The following TIAM1 variants were observed in gnomAD, a reference collection of about 807,000 sequenced individuals.
TIAM1 encodes the protein rho guanine nucleotide exchange factor TIAM1.
A neutral mutation model predicts 163.5 loss-of-function variants in TIAM1; 65 were observed. The observed-to-expected ratio is 0.40, with a 90% confidence interval of 0.33 to 0.49. TIAM1 has a LOEUF of 0.49. Ranked by LOEUF, TIAM1 falls within the 20% of genes least tolerant of loss-of-function variation. The pLI, the probability that TIAM1 is intolerant of heterozygous loss-of-function variation, is 0.77. For synonymous variants in TIAM1, 833 were observed against 810.1 expected, an observed-to-expected ratio of 1.03 and a Z score of -0.48; for missense variants, 1,789 against 2,044.7, an observed-to-expected ratio of 0.87 and a Z score of 2.41.
intron 5 of TIAM1, among the ~76,000 whole-genome samples, chr21:31,251,095 T>C (rs2071778056): frequency 6.6e-6 from 1 of 152,232 alleles, no homozygotes; most frequent in Admixed American, 6.5e-5. Flanking sequence ...GAATTCAAGC[T>C]AATAAATTTC....
intron 2 of TIAM1, chr21:31,452,681 T>C (rs569457656): frequency 4.6e-6 from 2 of 435,878 alleles, no homozygotes; most frequent in Admixed American, 3.4e-5. Flanking sequence ...CTCCAGAATA[T>C]ATTTTTCCAT....
intron 16 of TIAM1, among the ~76,000 whole-genome samples, chr21:31,157,488 A>G (rs1026083253): frequency 1.3e-5 from 2 of 152,164 alleles, no homozygotes; most frequent in South Asian, 2.1e-4. Context: ...AATGATTTGT[A>G]TTCACTTATT....
intron 19 of TIAM1, among the ~76,000 whole-genome samples, chr21:31,147,787 A>ATAT (rs2083202261): frequency 1.4e-5 from 2 of 139,852 alleles, no homozygotes; most frequent in African/African-American, 2.6e-5. Context: ...ATTATATTAA[A>ATAT]ATATATATAT....
intron 2 of TIAM1, among the ~76,000 whole-genome samples, chr21:31,393,720 G>A (rs1033591153): frequency 3.9e-5 from 6 of 152,164 alleles, no homozygotes; most frequent in African/African-American, 1.4e-4. Context: ...TGAATGTGGA[G>A]TATCATAAAA....
intron 1 of TIAM1, among the ~76,000 whole-genome samples, chr21:31,502,083 G>A (rs190283746): frequency 6.6e-6 from 1 of 152,180 alleles, no homozygotes; most frequent in African/African-American, 2.4e-5. Context: ...GAGAGCTGGG[G>A]GAAAGTTCCA....
intron 2 of TIAM1, among the ~76,000 whole-genome samples, chr21:31,324,827 C>T (rs903721893): frequency 4.6e-5 from 7 of 152,156 alleles, no homozygotes; most frequent in Non-Finnish European, 8.8e-5. Flanking sequence ...TTAAGTATTT[C>T]AAAAATGTTT....
At chr21:31,177,881 C>T (rs1425895146) in intron 15 of TIAM1, among the ~76,000 whole-genome samples, 15 of 152,192 alleles carry the variant, frequency 9.9e-5, no homozygotes. Context: ...CCAGCACTCA[C>T]GTGGACCCCA....
chr21:31,359,506 G>T (rs933320257), intron 2 of TIAM1, among the ~76,000 whole-genome samples: 2 of 152,090 alleles, frequency 1.3e-5, no homozygotes, highest in African/African-American at 2.4e-5. Flanking sequence ...AGAAAATACA[G>T]TGAAAGGGCC....
chr21:31,295,234 GCC>G (rs2074190940), intron 2 of TIAM1, among the ~76,000 whole-genome samples: 1 of 152,138 alleles, frequency 6.6e-6, no homozygotes, highest in Admixed American at 6.5e-5. Flanking sequence ...ACTTTGGGAG[GCC>G]AAGGCGGGCG....
chr21:31,491,063 G>C (rs985082106), intron 1 of TIAM1, among the ~76,000 whole-genome samples: 2 of 152,210 alleles, frequency 1.3e-5, no homozygotes, highest in Non-Finnish European at 2.9e-5. Context: ...CTAGGGAGTC[G>C]GAGGTTGCCG....
At chr21:31,273,244 A>G (rs900372574) in intron 3 of TIAM1, among the ~76,000 whole-genome samples, 2 of 152,298 alleles carry the variant, frequency 1.3e-5, no homozygotes, top group South Asian at 4.1e-4. Flanking sequence ...TCTGGATCAG[A>G]CCTTGTTGTT....
At chr21:31,215,870 G>A (rs1428463270) in intron 9 of TIAM1, among the ~76,000 whole-genome samples, 1 of 152,116 alleles carries the variant, frequency 6.6e-6, no homozygotes, top group African/African-American at 2.4e-5. Context: ...CATTAAAACA[G>A]AGAGTATCAG....
intron 11 of TIAM1, among the ~76,000 whole-genome samples, chr21:31,205,203 A>G (rs1307604254): frequency 6.6e-6 from 1 of 152,248 alleles, no homozygotes; most frequent in Non-Finnish European, 1.5e-5. Flanking sequence ...GAAGCTGCAA[A>G]TGTTTCCCAC....
At chr21:31,291,978 C>G (rs2074040567) in intron 2 of TIAM1, among the ~76,000 whole-genome samples, 1 of 152,168 alleles carries the variant, frequency 6.6e-6, no homozygotes, top group Non-Finnish European at 1.5e-5. Context: ...TACTGATGAT[C>G]CACCACTTAG....
rs764516098 is a variant in TIAM1, at chr21:31,210,080, C to T, written c.2353G>A (p.Asp785Asn). ...QPALTVVRPG[D>N]TARDTLELIC... ...AGCTCCAGGGTGTCCCGTGCAGTGT[C>T]GCCTGGCCGGACGACCGTCAGGGCA... Residue 785 changes from aspartate to asparagine, a missense_variant, in exon 11 of 28, where the codon GAC becomes AAC. Around this residue, in one of 5 missense-constraint regions of TIAM1, gnomAD observed 456 missense variants for 586.6 expected, o/e 0.78. Coordinates refer to ENST00000541036, the MANE Select transcript of TIAM1 (RefSeq NM_001353694.2). 48 of 1,613,974 alleles carry T rather than the reference C, an allele frequency of 3.0e-5. 1 individual carries two copies. The highest frequency in any genetic ancestry group is 5.5e-5 in the South Asian group (5 of 91,074).
intron 2 of TIAM1, among the ~76,000 whole-genome samples, chr21:31,288,841 C>G (rs2073911757): frequency 6.6e-6 from 1 of 152,094 alleles, no homozygotes; most frequent in East Asian, 1.9e-4. Context: ...TTAACAGCTT[C>G]AATAATTTAA....
chr21:31,299,134 C>T (rs1294041568), intron 2 of TIAM1, among the ~76,000 whole-genome samples: 1 of 152,158 alleles, frequency 6.6e-6, no homozygotes, highest in East Asian at 1.9e-4. Context: ...TTGTTATGAA[C>T]ACAGTGCATC....
At chr21:31,257,735 G>A (rs542654096) in intron 4 of TIAM1, among the ~76,000 whole-genome samples, 2 of 152,120 alleles carry the variant, frequency 1.3e-5, no homozygotes, top group South Asian at 2.1e-4. Context: ...CTTGAGCTTC[G>A]ATGTCCCCAC....
chr21:31,323,959 G>A (rs565803524), intron 2 of TIAM1, among the ~76,000 whole-genome samples: 1 of 150,072 alleles, frequency 6.7e-6, no homozygotes, highest in East Asian at 2.0e-4. Context: ...AGTGAGCTAT[G>A]ATCACACCAC....
Sources: allele counts gnomAD v4.1 joint callset (sites outside exome capture counted in the v4.1 genomes callset), GRCh38; gene constraint gnomAD v4.1.1; regional missense constraint gnomAD v4.1.1; transcripts MANE v1.5; gene names NCBI Gene and HGNC (gene_info 2026-07-23, HGNC 2026-07-21).